Variants in ELMO1 observed in about 807,000 individuals in gnomAD.
ELMO1 encodes the protein engulfment and cell motility protein 1.
A neutral mutation model predicts 98.9 loss-of-function variants in ELMO1; 26 were observed. The observed-to-expected ratio is 0.26, with a 90% CI of 0.19 to 0.36. ELMO1 has a LOEUF of 0.36. ELMO1 is among the 10% of genes least tolerant of loss of function. The pLI is 1.00. For synonymous variants in ELMO1, 346 were observed against 346.0 expected (o/e 1.00, Z 0.00); for missense variants, 627 against 935.2 (o/e 0.67, Z 4.30).
intron 16 of ELMO1, among the ~76,000 whole-genome samples, chr7:37,004,478 G>C (rs1024923853): frequency 3.3e-5 from 5 of 152,218 alleles, no homozygotes; most frequent in African/African-American, 1.2e-4. Flanking sequence ...TCTCACTGCT[G>C]TCCAGCAGAA....
In ELMO1 at chr7:36,970,486, CTG is replaced by C. The variant is rs548837165; in HGVS notation, c.1437+42811_1437+42812del. Among the ~76,000 whole-genome samples the C allele has an allele frequency of 4.1e-4, 63 of 152,318 alleles. No individual in the cohort carries two copies. The Middle Eastern group carries it at 0.01, about 25-fold the overall frequency. On this transcript the variant is annotated intron_variant, in intron 16 of 21. Transcript: ENST00000310758. ...CTTAGTCCACTGGAGGCTTCCCACT[CTG>C]TGGTTAACTAGCTAATGTTGCTTAC... is the stretch of plus-strand genomic sequence containing the variant.
intron 14 of ELMO1, among the ~76,000 whole-genome samples, chr7:37,123,790 G>T (rs967253538): frequency 1.3e-5 from 2 of 152,184 alleles, no homozygotes; most frequent in Non-Finnish European, 2.9e-5. Flanking sequence ...CATTTCATGA[G>T]GCCAGCATCA....
At chr7:37,013,766 CAGATTATTCAAA>C in intron 15 of ELMO1, 1 of 190,920 alleles carries the variant, frequency 5.2e-6, no homozygotes, top group Non-Finnish European at 1.1e-5. Context: ...TGACCTTATA[CAGATTATTCAAA>C]CTGCCCTCTC....
intron 4 of ELMO1, among the ~76,000 whole-genome samples, chr7:37,298,077 T>A (rs1045422958): frequency 2.6e-5 from 4 of 152,174 alleles, no homozygotes; most frequent in African/African-American, 9.7e-5. Context: ...ACTTGAGATT[T>A]TGTATCTGCT....
chr7:36,882,368 T>C (rs908979554), intron 18 of ELMO1, among the ~76,000 whole-genome samples: 2 of 152,172 alleles, frequency 1.3e-5, no homozygotes, highest in Non-Finnish European at 2.9e-5. Context: ...CAGCAATGTG[T>C]TTAAAGGGAA....
At chr7:37,139,885 T>A (rs1268371349) in intron 13 of ELMO1, among the ~76,000 whole-genome samples, 1 of 151,978 alleles carries the variant, frequency 6.6e-6, no homozygotes, top group Non-Finnish European at 1.5e-5. Context: ...ACCAATAGAA[T>A]AGAATAGAGA....
chr7:36,958,383 G>T (rs376415067), intron 16 of ELMO1, among the ~76,000 whole-genome samples: 3 of 152,254 alleles, frequency 2.0e-5, no homozygotes, highest in Middle Eastern at 3.4e-3. Flanking sequence ...TTTGAAATCT[G>T]ACTGTATTTT....
rs147437094 is a variant in ELMO1 at position 37,158,938 on chromosome 7, T to C, written c.1087-25704A>G. On this transcript the variant is annotated intron_variant, in intron 13 of 21. Transcript: ENST00000310758. ...TCAATAATAGACTGGATAATGAAAA[T>C]GTGGCACGTATACACCAAGGAATAT... Among the ~76,000 whole-genome samples the C allele has an allele frequency of 5.0e-3, 763 of 152,178 alleles. 8 individuals are homozygous for C. The highest frequency in any genetic ancestry group is 0.017 in the African/African-American group (726 of 41,510).
At chr7:37,274,156 T>G (rs556376471) in intron 4 of ELMO1, among the ~76,000 whole-genome samples, 1 of 152,200 alleles carries the variant, frequency 6.6e-6, no homozygotes, top group Non-Finnish European at 1.5e-5. Flanking sequence ...CAGGCTGAGA[T>G]AGGAGCTGGG....
chr7:36,891,590 C>T (rs1473918618), intron 17 of ELMO1, among the ~76,000 whole-genome samples: 6 of 152,140 alleles, frequency 3.9e-5, no homozygotes, highest in Non-Finnish European at 7.4e-5. Flanking sequence ...TTGTTAAATT[C>T]TGGTTACGGG....
intron 16 of ELMO1, among the ~76,000 whole-genome samples, chr7:36,906,393 T>A (rs567609966): frequency 1.3e-5 from 2 of 152,362 alleles, no homozygotes; most frequent in East Asian, 3.9e-4. Flanking sequence ...ATTTTAGTTT[T>A]CAAATACATT....
intron 16 of ELMO1, among the ~76,000 whole-genome samples, chr7:36,994,569 G>C (rs1430798496): frequency 6.6e-6 from 1 of 152,156 alleles, no homozygotes; most frequent in East Asian, 1.9e-4. Context: ...TGGGGATGAG[G>C]ATATCTGAAA....
intron 4 of ELMO1, among the ~76,000 whole-genome samples, chr7:37,293,513 G>C (rs1374051688): frequency 9.4e-6 from 1 of 105,824 alleles, no homozygotes; most frequent in African/African-American, 3.0e-5. Flanking sequence ...ACAGATGCTT[G>C]AAGGCAGCAT....
At chr7:37,251,086 T>G (rs1454277821) in intron 6 of ELMO1, among the ~76,000 whole-genome samples, 1 of 152,166 alleles carries the variant, frequency 6.6e-6, no homozygotes, top group Non-Finnish European at 1.5e-5. Context: ...GGACAAAGAC[T>G]GTGGTGTTTT....
intron 4 of ELMO1, among the ~76,000 whole-genome samples, chr7:37,308,444 C>T (rs183251418): frequency 6.6e-6 from 1 of 152,230 alleles, no homozygotes; most frequent in African/African-American, 2.4e-5. Flanking sequence ...CACCATCAAT[C>T]TAGCCCACTT....
intron 16 of ELMO1, among the ~76,000 whole-genome samples, chr7:36,975,256 C>T (rs536288705): frequency 2.4e-4 from 36 of 151,696 alleles, no homozygotes; most frequent in Non-Finnish European, 4.4e-4. Context: ...GATCACTTGA[C>T]GTCAGGAGTT....
In ELMO1 at chr7:37,376,117, T is replaced by C. The variant is rs1378896720; in HGVS notation, c.-73-33354A>G. Reference sequence around the variant, plus strand: ...AACAAACAAAAAAAACACTGATTCTTACAGCTCTTGAAGGAAGTGATGAAC... The same window carrying C: ...AACAAACAAAAAAAACACTGATTCTCACAGCTCTTGAAGGAAGTGATGAAC... On this transcript the variant is annotated intron_variant, in intron 1 of 21. Transcript: ENST00000310758. 3 of 325,148 alleles carry C rather than the reference T, an allele frequency of 9.2e-6. No homozygotes were observed. The East Asian group carries it at 2.3e-4, about 25-fold the overall frequency. 20.1% of individuals were successfully genotyped at this position (325,148 alleles called of 1,614,324 possible).
chr7:37,193,994 T>C (rs534016887), intron 13 of ELMO1, among the ~76,000 whole-genome samples: 2 of 152,292 alleles, frequency 1.3e-5, no homozygotes, highest in South Asian at 2.1e-4. Flanking sequence ...TCATCCAGAA[T>C]GCTCTGGAAA....
chr7:37,340,470 GA>G (rs1800654186), intron 2 of ELMO1, among the ~76,000 whole-genome samples: 1 of 152,196 alleles, frequency 6.6e-6, no homozygotes, highest in Non-Finnish European at 1.5e-5. Flanking sequence ...GTCCAAAACG[GA>G]AGGAGACTGA....
Sources: gnomAD v4.1 joint callset for allele counts (sites outside exome capture counted in the v4.1 genomes callset) on GRCh38, gnomAD v4.1.1 for gene constraint, MANE v1.5 for transcripts, NCBI Gene and HGNC (gene_info 2026-07-23, HGNC 2026-07-21) for gene names.